N4BP2: variants seen among roughly 807,000 people sequenced by gnomAD.
N4BP2 encodes NEDD4-binding protein 2.
Under a neutral mutation model 152.8 loss-of-function variants are expected in N4BP2, and 91 were observed. The observed-to-expected ratio is 0.60, with a 90% CI of 0.50 to 0.71. The LOEUF is 0.71. Among genes scored for constraint, N4BP2 ranks in the 30% least tolerant of loss-of-function variants. The probability of loss-of-function intolerance (pLI) is 0.00; values close to 1 mark genes in which losing one functional copy is unlikely to be tolerated. For missense variants in N4BP2, 1,923 were observed against 2,059.1 expected (o/e 0.93, Z 1.28); for synonymous variants, 646 against 705.3 (o/e 0.92, Z 1.33).
intron 1 of N4BP2, among the ~76,000 whole-genome samples, chr4:40,058,889 C>G (rs1733430390): frequency 6.6e-6 from 1 of 151,538 alleles, no homozygotes. Context: ...GGCACTATCT[C>G]AGCTCACTGC....
chr4:40,074,988 C>A (rs1466139224), intron 2 of N4BP2, among the ~76,000 whole-genome samples: 2 of 150,774 alleles, frequency 1.3e-5, no homozygotes, highest in Non-Finnish European at 3.0e-5. Context: ...GCCTGGGCGA[C>A]AGAGTGAGAC....
downstream of N4BP2, among the ~76,000 whole-genome samples, chr4:40,161,975 A>T (rs1460033421): frequency 6.6e-6 from 1 of 152,182 alleles, no homozygotes; most frequent in Admixed American, 6.5e-5. Context: ...AACCATTCTC[A>T]AAGCTGGTGA....
chr4:40,097,041 C>T (rs1311046175), intron 2 of N4BP2, among the ~76,000 whole-genome samples, 186 bp from the exon 3 acceptor site: 3 of 152,058 alleles, frequency 2.0e-5, no homozygotes, highest in Admixed American at 1.3e-4. Flanking sequence ...ATATTGTTAA[C>T]ATCTTAATTT....
At chr4:40,136,127 T>G (rs1171977255) in intron 13 of N4BP2, among the ~76,000 whole-genome samples, 3 of 152,176 alleles carry the variant, frequency 2.0e-5, no homozygotes, top group South Asian at 4.1e-4. Flanking sequence ...AGTTTTTCTT[T>G]TCTGTATCCC....
intron 2 of N4BP2, among the ~76,000 whole-genome samples, chr4:40,076,376 T>C (rs1056111441): frequency 6.6e-6 from 1 of 152,012 alleles, no homozygotes; most frequent in African/African-American, 2.4e-5. Context: ...TTCGGGAGGC[T>C]GAGGTAGGAA....
intron 13 of N4BP2, among the ~76,000 whole-genome samples, chr4:40,136,587 A>G (rs1309583653): frequency 6.6e-6 from 1 of 151,976 alleles, no homozygotes; most frequent in African/African-American, 2.4e-5. Flanking sequence ...GGGTTTCACC[A>G]TGTTGGCCAG....
intron 4 of N4BP2, among the ~76,000 whole-genome samples, chr4:40,106,345 G>A (rs866429091): frequency 6.6e-6 from 1 of 151,488 alleles, no homozygotes; most frequent in Non-Finnish European, 1.5e-5. Context: ...TCTTTTTTGA[G>A]AGAGGGTCTT....
Position 40,113,436 on chromosome 4 carries a change from A to C in N4BP2, c.1592A>C (p.Gln531Pro). The C allele has an allele frequency of 6.2e-7, 1 of 1,608,500 alleles. No homozygotes were observed. The highest frequency in any genetic ancestry group is 8.5e-7 in the Non-Finnish European group (1 of 1,175,468). ...WEMKPYVALS[Q>P]KHKYKVLFRE... ...TTTTGTCTTTGTTGTATGTAGTCTC[A>C]GAAACACAAATATAAAGTCCTTTTT... Residue 531 changes from glutamine (Q) to proline (P), a missense_variant, in exon 7 of 18, where the codon CAG becomes CCG. Physicochemically the swap from Gln to Pro is moderately conservative, Grantham distance 76. Transcript: ENST00000261435.
At chr4:40,169,481 A>C in the N4BP2 span, among the ~76,000 whole-genome samples, 13 of 151,876 alleles carry the variant, frequency 8.6e-5, no homozygotes, top group East Asian at 2.5e-3. Context: ...AAGATTTAAA[A>C]ATAATTATTT....
At chr4:40,104,179 C>G (rs1003781338) in intron 4 of N4BP2, among the ~76,000 whole-genome samples, 3 of 151,874 alleles carry the variant, frequency 2.0e-5, no homozygotes, top group Non-Finnish European at 4.4e-5. Flanking sequence ...GTCTCGATTT[C>G]CTGACCTCGT....
the N4BP2 span, among the ~76,000 whole-genome samples, chr4:40,179,830 T>C: frequency 6.7e-6 from 1 of 149,420 alleles, no homozygotes; most frequent in Non-Finnish European, 1.5e-5. Context: ...AGTGGAGTGA[T>C]CTTGGCTCAC....
At chr4:40,060,602 ATTTT>A (rs11302996) in intron 1 of N4BP2, among the ~76,000 whole-genome samples, 3 of 134,886 alleles carry the variant, frequency 2.2e-5, no homozygotes, top group East Asian at 2.2e-4. Context: ...AAGTAGCTAG[ATTTT>A]TTTTTTTTTT....
chr4:40,182,145 C>T, the N4BP2 span, among the ~76,000 whole-genome samples: 9 of 151,898 alleles, frequency 5.9e-5, no homozygotes, highest in East Asian at 1.9e-4. Context: ...GCTAAGGAAA[C>T]GGATTTTGGG....
intron 16 of N4BP2, among the ~76,000 whole-genome samples, chr4:40,146,187 A>T (rs1308381712): frequency 6.6e-6 from 1 of 151,852 alleles, no homozygotes; most frequent in Non-Finnish European, 1.5e-5. Flanking sequence ...AAATAAATAA[A>T]TAAAATAAAA....
rs200150921 is a variant in N4BP2, at chr4:40,155,397, CAAAAAAAAA to C, written c.*1164_*1172del. 2.7e-4 allele frequency: 34 copies of C among 124,628 alleles called. No homozygotes were observed. Among genetic ancestry groups the C allele is most frequent in the African/African-American group, 9.2e-4 (30 of 32,766 alleles). 7.7% of individuals were successfully genotyped at this position (124,628 alleles called of 1,614,324 possible). A position where few individuals can be genotyped will look rare whatever the true frequency, so the allele number is the denominator to read the frequency against. On this transcript the variant is annotated 3_prime_UTR_variant, in exon 18 of 18. Coordinates refer to ENST00000261435, the MANE Select transcript of N4BP2 (RefSeq NM_018177.6). ...GGGTGACAGAGCAAGACTCCGTCTC[CAAAAAAAAA>C]AAAGAAAAAAAAGAGAAAATATTTT...
At chr4:40,091,371 T>C (rs1209080876) in intron 2 of N4BP2, among the ~76,000 whole-genome samples, 2 of 152,138 alleles carry the variant, frequency 1.3e-5, no homozygotes, top group African/African-American at 4.8e-5. Flanking sequence ...AGTATTTCAT[T>C]ACAAATACAA....
chr4:40,094,122 G>T (rs1714892267), intron 2 of N4BP2, among the ~76,000 whole-genome samples: 1 of 152,108 alleles, frequency 6.6e-6, no homozygotes, highest in African/African-American at 2.4e-5. Flanking sequence ...CTTCATCATT[G>T]ACCCATGGAT....
chr4:40,097,660 G>T, intron 3 of N4BP2, 91 bp downstream of exon 3: 1 of 760,052 alleles, frequency 1.3e-6, no homozygotes, highest in Non-Finnish European at 2.1e-6. Flanking sequence ...AAAATGTCTT[G>T]TTTCTATTTT....
intron 8 of N4BP2, among the ~76,000 whole-genome samples, chr4:40,118,999 C>T (rs1401399902): frequency 6.6e-6 from 1 of 152,126 alleles, no homozygotes; most frequent in Non-Finnish European, 1.5e-5. Flanking sequence ...TTTATAAATG[C>T]TTTTTTGATT....
Sources: allele counts gnomAD v4.1 joint callset (sites outside exome capture counted in the v4.1 genomes callset), GRCh38; gene constraint gnomAD v4.1.1; transcripts MANE v1.5; gene names NCBI Gene and HGNC (gene_info 2026-07-23, HGNC 2026-07-21).